Variants in SLC1A2 observed in about 807,000 individuals in gnomAD.
SLC1A2 encodes excitatory amino acid transporter 2.
Under a neutral mutation model 48.8 loss-of-function variants are expected in SLC1A2, and 15 were observed. The observed-to-expected ratio is 0.31, with a 90% CI of 0.21 to 0.47. SLC1A2 has a LOEUF of 0.47. Among genes scored for constraint, SLC1A2 ranks in the 20% least tolerant of loss-of-function variants. The pLI, the probability that SLC1A2 is intolerant of heterozygous loss-of-function variation, is 0.99. For missense variants in SLC1A2, 502 were observed against 730.5 expected, an observed-to-expected ratio of 0.69 and a Z score of 3.61; for synonymous variants, 279 against 272.6, an observed-to-expected ratio of 1.02 and a Z score of -0.23.
At chr11:35,408,445 C>A (rs1336031227) in intron 1 of SLC1A2, among the ~76,000 whole-genome samples, 1 of 152,138 alleles carries the variant, frequency 6.6e-6, no homozygotes. Context: ...ATAAGTCTCA[C>A]AAGATCTGAT....
rs1325610254 is a variant in SLC1A2 at position 35,251,545 on chromosome 11, A to G, written c.*9349T>C. On this transcript the variant is annotated 3_prime_UTR_variant, in exon 11 of 11. Coordinates refer to ENST00000278379, the MANE Select transcript of SLC1A2 (RefSeq NM_004171.4). ...CTCTGTGCTACGTGACTTCAGACCA[A>G]TGGGGATTGTGAATGTGAGGAATAC... 6.6e-6 allele frequency: 1 copy of G among 152,412 alleles called. No individual in the cohort carries two copies. The highest frequency in any genetic ancestry group is 1.5e-5 in the Non-Finnish European group (1 of 68,038). The allele number at this position is 152,412 out of a possible 1,614,324, so 9.4% of individuals were successfully genotyped here.
chr11:35,289,234 C>G (rs3794093), intron 7 of SLC1A2, among the ~76,000 whole-genome samples: 39,138 of 151,876 alleles, frequency 0.26, 5,169 homozygotes, highest in Admixed American at 0.3. Flanking sequence ...CTACCCTCAA[C>G]GTCTTTATTC....
At chr11:35,299,993 T>G (rs961614636) in intron 6 of SLC1A2, among the ~76,000 whole-genome samples, 1 of 152,074 alleles carries the variant, frequency 6.6e-6, no homozygotes, top group African/African-American at 2.4e-5. Context: ...CTGAAACAAA[T>G]GCAAGTAAAA....
At chr11:35,343,185 G>T (rs1852905447) in intron 1 of SLC1A2, among the ~76,000 whole-genome samples, 1 of 152,252 alleles carries the variant, frequency 6.6e-6, no homozygotes, top group Non-Finnish European at 1.5e-5. Context: ...GGAAACTGTT[G>T]AATTAGCAGC....
intron 1 of SLC1A2, among the ~76,000 whole-genome samples, chr11:35,406,141 A>G (rs1037672441): frequency 2.6e-5 from 4 of 152,166 alleles, no homozygotes; most frequent in Admixed American, 6.5e-5. Flanking sequence ...GTCTGAACAA[A>G]GTGTAATAAG....
At chr11:35,379,790 T>C (rs1159386423) in intron 1 of SLC1A2, among the ~76,000 whole-genome samples, 1 of 152,230 alleles carries the variant, frequency 6.6e-6, no homozygotes, top group Non-Finnish European at 1.5e-5. Context: ...AATTGAAAGC[T>C]TGATCTGAGA....
chr11:35,272,978 G>A (rs1169337071), intron 9 of SLC1A2, among the ~76,000 whole-genome samples: 1 of 152,090 alleles, frequency 6.6e-6, no homozygotes, highest in Non-Finnish European at 1.5e-5. Context: ...CCTCCAACAG[G>A]GAAATGTGAA....
intron 1 of SLC1A2, among the ~76,000 whole-genome samples, chr11:35,354,763 T>A (rs768122440): frequency 6.6e-6 from 1 of 152,116 alleles, no homozygotes; most frequent in Admixed American, 6.5e-5. Flanking sequence ...ACCGCCCGCA[T>A]CCCTGTCACC....
At chr11:35,264,609 C>T (rs1950449880) in intron 10 of SLC1A2, among the ~76,000 whole-genome samples, 1 of 152,176 alleles carries the variant, frequency 6.6e-6, no homozygotes. Context: ...TGGAGGAGAG[C>T]CCAGAACATC....
At chr11:35,407,206 G>T (rs1416409239) in intron 1 of SLC1A2, among the ~76,000 whole-genome samples, 1 of 152,146 alleles carries the variant, frequency 6.6e-6, no homozygotes, top group Non-Finnish European at 1.5e-5. Flanking sequence ...GATGACCAGG[G>T]TTGATCATGT....
At chr11:35,377,307 T>C (rs1381891776) in intron 1 of SLC1A2, among the ~76,000 whole-genome samples, 1 of 152,202 alleles carries the variant, frequency 6.6e-6, no homozygotes, top group Non-Finnish European at 1.5e-5. Flanking sequence ...CTTTTTCCTT[T>C]TCAAACTTTC....
At chr11:35,418,415 T>G (rs1357456010) in intron 1 of SLC1A2, 2 of 152,852 alleles carry the variant, frequency 1.3e-5, no homozygotes, top group Middle Eastern at 3.4e-3. Context: ...GCCAGGGAGA[T>G]TCCGCCTTCC....
chr11:35,301,088 C>T (rs1851340783), intron 6 of SLC1A2, among the ~76,000 whole-genome samples: 1 of 152,124 alleles, frequency 6.6e-6, no homozygotes, highest in Non-Finnish European at 1.5e-5. Context: ...ACTGTGGATA[C>T]AATGAGAAGT....
chr11:35,315,340 G>T, intron 2 of SLC1A2, 165 bp from the exon 3 acceptor site: 1 of 530,368 alleles, frequency 1.9e-6, no homozygotes. Flanking sequence ...TGATTTTGAT[G>T]ACTAGCAAGA....
At chr11:35,306,687 T>C (rs1475928330) in intron 4 of SLC1A2, among the ~76,000 whole-genome samples, 2 of 152,082 alleles carry the variant, frequency 1.3e-5, no homozygotes, top group Non-Finnish European at 2.9e-5. Flanking sequence ...CCTTCCCCTT[T>C]CCCCCCACTC....
chr11:35,303,356 C>T (rs945359960), intron 5 of SLC1A2, among the ~76,000 whole-genome samples: 2 of 152,146 alleles, frequency 1.3e-5, no homozygotes, highest in African/African-American at 2.4e-5. Flanking sequence ...TTTAGTATCT[C>T]CTCTTTTTGC....
At chr11:35,303,386 C>A (rs548881069) in intron 5 of SLC1A2, among the ~76,000 whole-genome samples, 9 of 152,232 alleles carry the variant, frequency 5.9e-5, no homozygotes, top group Admixed American at 1.3e-4. Context: ...GAAAGCTTGA[C>A]AAATGACTTC....
chr11:35,339,457 C>T (rs1852755805), intron 1 of SLC1A2, among the ~76,000 whole-genome samples: 1 of 152,188 alleles, frequency 6.6e-6, no homozygotes, highest in African/African-American at 2.4e-5. Flanking sequence ...GAAACAGAAT[C>T]TCTCAGGGAG....
At chr11:35,322,219 G>A (rs1852095267) in intron 1 of SLC1A2, among the ~76,000 whole-genome samples, 1 of 152,164 alleles carries the variant, frequency 6.6e-6, no homozygotes, top group Non-Finnish European at 1.5e-5. Flanking sequence ...CGTGAGTCCT[G>A]GTTCAAGGCA....
Sources: allele counts gnomAD v4.1 joint callset (sites outside exome capture counted in the v4.1 genomes callset), GRCh38; gene constraint gnomAD v4.1.1; transcripts MANE v1.5; gene names NCBI Gene and HGNC (gene_info 2026-07-23, HGNC 2026-07-21).